ZCCHC7: variants seen among roughly 807,000 people sequenced by gnomAD.
The protein encoded by ZCCHC7 is zinc finger CCHC-type containing 7.
Under a neutral mutation model 52.0 loss-of-function variants are expected in ZCCHC7, and 35 were observed. The ratio of observed to expected loss-of-function variants is 0.67; its 90% CI spans 0.51 to 0.89. ZCCHC7 has a LOEUF of 0.89. Among genes scored for constraint, ZCCHC7 ranks in the 40% least tolerant of loss-of-function variants. The pLI is 0.00. For synonymous variants in ZCCHC7, 217 were observed against 221.5 expected, an observed-to-expected ratio of 0.98 and a Z score of 0.18; for missense variants, 574 against 649.1, an observed-to-expected ratio of 0.88 and a Z score of 1.26.
At chr9:37,212,610 G>A (rs1298824510) in intron 2 of ZCCHC7, among the ~76,000 whole-genome samples, 1 of 152,074 alleles carries the variant, frequency 6.6e-6, no homozygotes, top group African/African-American at 2.4e-5. Context: ...GAACTCTAAG[G>A]CTCTGGTATC....
upstream of ZCCHC7, among the ~76,000 whole-genome samples, chr9:37,120,176 C>T (rs1015871793): frequency 4.6e-5 from 7 of 152,190 alleles, no homozygotes; most frequent in Non-Finnish European, 8.8e-5. Context: ...AGGCGTCCAC[C>T]GAGCGCCAGG....
chr9:37,186,107 G>A (rs1016371031), intron 2 of ZCCHC7, among the ~76,000 whole-genome samples: 10 of 152,090 alleles, frequency 6.6e-5, no homozygotes, highest in African/African-American at 2.4e-4. Flanking sequence ...TTGGGGGTGT[G>A]TGGAAAATCT....
chr9:37,252,020 T>C (rs769192051), intron 2 of ZCCHC7, among the ~76,000 whole-genome samples: 6 of 152,210 alleles, frequency 3.9e-5, no homozygotes, highest in Admixed American at 6.5e-5. Context: ...TAATTCACAA[T>C]TTTGTAAAAC....
At chr9:37,331,060 C>T (rs886324574) in intron 6 of ZCCHC7, among the ~76,000 whole-genome samples, 1 of 151,688 alleles carries the variant, frequency 6.6e-6, no homozygotes, top group Non-Finnish European at 1.5e-5. Flanking sequence ...TCTTTGTGTG[C>T]ATTGTTAAAA....
chr9:37,350,411 C>T (rs943639075), intron 7 of ZCCHC7, among the ~76,000 whole-genome samples: 31 of 152,190 alleles, frequency 2.0e-4, no homozygotes, highest in African/African-American at 7.2e-4. Context: ...GGGTTACAGG[C>T]GTGAGCCACT....
chr9:37,132,228 G>A (rs1842815204), intron 2 of ZCCHC7, among the ~76,000 whole-genome samples: 1 of 152,160 alleles, frequency 6.6e-6, no homozygotes, highest in African/African-American at 2.4e-5. Context: ...GTTTGGAAAG[G>A]ATTGTTATGT....
chr9:37,190,587 C>G (rs948928104), intron 2 of ZCCHC7, among the ~76,000 whole-genome samples: 1 of 152,200 alleles, frequency 6.6e-6, no homozygotes, highest in Non-Finnish European at 1.5e-5. Context: ...GTAGTGTGTG[C>G]TTATTCCATC....
chr9:37,321,925 T>A (rs577982378), intron 5 of ZCCHC7, among the ~76,000 whole-genome samples: 2 of 152,346 alleles, frequency 1.3e-5, no homozygotes, highest in Admixed American at 1.3e-4. Context: ...TTTCTCAGGA[T>A]GTCAGCGCTC....
chr9:37,251,118 A>G (rs1047555888), intron 2 of ZCCHC7, among the ~76,000 whole-genome samples: 2 of 152,234 alleles, frequency 1.3e-5, no homozygotes, highest in Non-Finnish European at 2.9e-5. Flanking sequence ...TATAAACTCA[A>G]ATGTCAATTT....
At chr9:37,306,762 C>CTTTTTTTTTTTTTTTTTT (rs869292704) in intron 5 of ZCCHC7, among the ~76,000 whole-genome samples, 6 of 52,034 alleles carry the variant, frequency 1.2e-4, no homozygotes, top group Non-Finnish European at 1.5e-4. Flanking sequence ...TGTACCCGAC[C>CTTTTTTTTTTTTTTTTTT]TTTTTTTTTT....
At chr9:37,331,676 A>G (rs1161484065) in intron 6 of ZCCHC7, among the ~76,000 whole-genome samples, 1 of 151,730 alleles carries the variant, frequency 6.6e-6, no homozygotes, top group Non-Finnish European at 1.5e-5. Flanking sequence ...CCTTTAAAAT[A>G]ACTTAAAATG....
intron 2 of ZCCHC7, among the ~76,000 whole-genome samples, chr9:37,133,038 G>A (rs1158661894): frequency 6.6e-6 from 1 of 152,194 alleles, no homozygotes; most frequent in Non-Finnish European, 1.5e-5. Context: ...AGAGGCTGAG[G>A]CAGGAGAATC....
At chr9:37,226,461 T>C (rs891018610) in intron 2 of ZCCHC7, among the ~76,000 whole-genome samples, 1 of 152,112 alleles carries the variant, frequency 6.6e-6, no homozygotes, top group East Asian at 1.9e-4. Flanking sequence ...TATTTGCAAA[T>C]GCAAAAGGAT....
At chr9:37,327,397 G>A (rs1423650732) in intron 5 of ZCCHC7, 1 of 163,862 alleles carries the variant, frequency 6.1e-6, no homozygotes, top group Non-Finnish European at 1.3e-5. Flanking sequence ...TCTTAAAGCA[G>A]TTACTATTAA....
chr9:37,354,388 A>G lies in ZCCHC7; in HGVS notation c.1084-322A>G, dbSNP rs1821570569. 6.6e-6 allele frequency among the ~76,000 whole-genome samples: 1 copy of G among 152,210 alleles called. No homozygotes were observed. Among genetic ancestry groups the G allele is most frequent in the African/African-American group, 2.4e-5 (1 of 41,452 alleles). ...AGTAATACTAACATGAGGCCGAATA[A>G]CATAAACCCACTAACAGAGCGGCAA... On this transcript the variant is annotated intron_variant, in intron 7 of 8. Transcript: ENST00000336755. The surrounding 1 kb of genome is among the most constrained non-coding windows in gnomAD (Gnocchi z 4.0).
At chr9:37,149,322 C>T (rs1843582050) in intron 2 of ZCCHC7, among the ~76,000 whole-genome samples, 1 of 152,098 alleles carries the variant, frequency 6.6e-6, no homozygotes, top group Non-Finnish European at 1.5e-5. Flanking sequence ...GTGAATTCAT[C>T]ACGATAGATT....
intron 2 of ZCCHC7, among the ~76,000 whole-genome samples, chr9:37,164,030 T>C (rs1821265814): frequency 1.3e-5 from 2 of 152,240 alleles, no homozygotes; most frequent in South Asian, 4.1e-4. Context: ...CTATACTCTG[T>C]TGATTCTGTA....
chr9:37,262,587 A>G (rs1036443130), intron 2 of ZCCHC7, among the ~76,000 whole-genome samples: 66 of 152,288 alleles, frequency 4.3e-4, no homozygotes, highest in African/African-American at 1.5e-3. Context: ...TCACAGCTGC[A>G]GTGGTGAGCT....
intron 2 of ZCCHC7, among the ~76,000 whole-genome samples, chr9:37,201,922 G>A (rs997421127): frequency 5.3e-5 from 8 of 152,212 alleles, no homozygotes; most frequent in South Asian, 2.1e-4. Context: ...CTCAACTTAC[G>A]CATCCTAAAT....
Sources: allele counts gnomAD v4.1 joint callset (sites outside exome capture counted in the v4.1 genomes callset), GRCh38; gene constraint gnomAD v4.1.1; non-coding constraint Gnocchi (gnomAD v3.1); transcripts MANE v1.5; gene names NCBI Gene and HGNC (gene_info 2026-07-23, HGNC 2026-07-21).